Variants in PRIMA1 observed in about 807,000 individuals in gnomAD.
The protein encoded by PRIMA1 is proline rich membrane anchor 1, also known as proline-rich membrane anchor 1.
Under a neutral mutation model 17.5 loss-of-function variants are expected in PRIMA1, and 7 were observed. The observed-to-expected ratio is 0.40, with a 90% confidence interval of 0.23 to 0.75. PRIMA1 has a LOEUF of 0.75. Ranked by LOEUF, PRIMA1 falls within the 30% of genes least tolerant of loss-of-function variation. The pLI is 0.37. For synonymous variants in PRIMA1, 97 were observed against 77.9 expected, an observed-to-expected ratio of 1.25 and a Z score of -1.29; for missense variants, 200 against 201.8, an observed-to-expected ratio of 0.99 and a Z score of 0.05.
At chr14:93,730,487 G>A (rs965475355) in intron 4 of PRIMA1, among the ~76,000 whole-genome samples, 16 of 152,136 alleles carry the variant, frequency 1.1e-4, no homozygotes, top group Admixed American at 7.2e-4. Flanking sequence ...GGGAGTGCTC[G>A]ATGAGCCAGG....
intron 3 of PRIMA1, among the ~76,000 whole-genome samples, chr14:93,774,577 G>A (rs1885155371): frequency 6.6e-6 from 1 of 152,204 alleles, no homozygotes; most frequent in Non-Finnish European, 1.5e-5. Flanking sequence ...AATTCTGGCT[G>A]TCTGCTTTGG....
intron 3 of PRIMA1, among the ~76,000 whole-genome samples, chr14:93,746,817 A>G (rs1250024520): frequency 6.6e-6 from 1 of 152,096 alleles, no homozygotes; most frequent in Non-Finnish European, 1.5e-5. Flanking sequence ...GGAAATGTGG[A>G]TGTGGGCAGC....
chr14:93,727,090 C>T (rs1023843113), intron 4 of PRIMA1, among the ~76,000 whole-genome samples: 4 of 152,194 alleles, frequency 2.6e-5, no homozygotes, highest in Admixed American at 6.5e-5. Flanking sequence ...CAGCCTCCAT[C>T]GCCCAGGGGG....
chr14:93,743,707 G>A (rs867020839), intron 3 of PRIMA1, among the ~76,000 whole-genome samples: 7 of 152,234 alleles, frequency 4.6e-5, no homozygotes, highest in African/African-American at 1.7e-4. Flanking sequence ...GTGTGGGCCT[G>A]GTGACTCGGC....
chr14:93,758,193 C>T (rs1265641881), intron 3 of PRIMA1, among the ~76,000 whole-genome samples: 2 of 152,176 alleles, frequency 1.3e-5, no homozygotes, highest in Non-Finnish European at 2.9e-5. Flanking sequence ...CAACCAAAGA[C>T]AGGATGGCCA....
intron 3 of PRIMA1, among the ~76,000 whole-genome samples, chr14:93,765,034 TTACTGGC>T (rs1884846872): frequency 6.6e-6 from 1 of 152,148 alleles, no homozygotes; most frequent in Non-Finnish European, 1.5e-5. Flanking sequence ...ATAGCACCCT[TTACTGGC>T]TACTGTCCCT....
intron 4 of PRIMA1, among the ~76,000 whole-genome samples, chr14:93,729,720 G>A (rs1380420873): frequency 2.6e-5 from 4 of 152,230 alleles, no homozygotes; most frequent in African/African-American, 7.2e-5. Flanking sequence ...TGTGTCCTGC[G>A]GGGAGGAAGA....
At chr14:93,752,429 C>T (rs959629912) in intron 3 of PRIMA1, among the ~76,000 whole-genome samples, 1 of 152,124 alleles carries the variant, frequency 6.6e-6, no homozygotes, top group Non-Finnish European at 1.5e-5. Flanking sequence ...ACGCGGGGCC[C>T]CTCACTCCCT....
chr14:93,778,283 G>A (rs528211403), intron 3 of PRIMA1, among the ~76,000 whole-genome samples: 27 of 152,342 alleles, frequency 1.8e-4, no homozygotes, highest in Non-Finnish European at 3.8e-4. Context: ...GGGCCACAGG[G>A]TGTCAGGGAA....
intron 3 of PRIMA1, among the ~76,000 whole-genome samples, chr14:93,774,048 C>T (rs1341618896): frequency 6.6e-6 from 1 of 152,102 alleles, no homozygotes; most frequent in African/African-American, 2.4e-5. Context: ...GCCGAGATCA[C>T]AGCACCGCAC....
chr14:93,740,816 C>T (rs2076179952), intron 3 of PRIMA1, among the ~76,000 whole-genome samples: 2 of 152,150 alleles, frequency 1.3e-5, no homozygotes, highest in South Asian at 4.2e-4. Flanking sequence ...CAGAATTGTC[C>T]CTTGAAAAAT....
chr14:93,740,073 ATC>A (rs1462464977), intron 3 of PRIMA1, among the ~76,000 whole-genome samples: 3 of 150,114 alleles, frequency 2.0e-5, no homozygotes, highest in African/African-American at 2.5e-5. Flanking sequence ...TAAAAAAAAA[ATC>A]AATAAATAAA....
At position 93,766,850 on chromosome 14, in the gene PRIMA1, CAAG is replaced by C. The variant is rs1337139266; in HGVS notation, c.229+12323_229+12325del. Reference sequence around the variant, plus strand: ...CATGGCCAAGTCAAGTTCTGCAACTCAAGAAGAAGAAATGAAGAAGGAAAATAA... The same window carrying C: ...CATGGCCAAGTCAAGTTCTGCAACTCAAGAAGAAATGAAGAAGGAAAATAA... On this transcript the variant is annotated intron_variant, in intron 3 of 4. Transcript: ENST00000393140. Among the ~76,000 whole-genome samples, 4 of 152,274 alleles carry C rather than the reference CAAG, an allele frequency of 2.6e-5. No homozygotes were observed. In the South Asian group the frequency reaches 6.2e-4, roughly 24 times the overall value.
At chr14:93,772,853 T>C (rs1885109200) in intron 3 of PRIMA1, among the ~76,000 whole-genome samples, 1 of 152,206 alleles carries the variant, frequency 6.6e-6, no homozygotes, top group Admixed American at 6.5e-5. Context: ...GCTGGAACCC[T>C]GCAGAAGCAA....
At chr14:93,724,873 T>C (rs2076064089) in intron 4 of PRIMA1, among the ~76,000 whole-genome samples, 2 of 152,126 alleles carry the variant, frequency 1.3e-5, no homozygotes, top group Admixed American at 1.3e-4. Context: ...AATGAAGAAA[T>C]GAAGGCGGCA....
intron 4 of PRIMA1, among the ~76,000 whole-genome samples, chr14:93,732,757 CAG>C (rs927498102): frequency 6.6e-6 from 1 of 152,224 alleles, no homozygotes; most frequent in African/African-American, 2.4e-5. Flanking sequence ...ATTGTCATTT[CAG>C]AGAGGGAAAA....
chr14:93,771,120 A>G (rs1885049408), intron 3 of PRIMA1, among the ~76,000 whole-genome samples: 1 of 150,602 alleles, frequency 6.6e-6, no homozygotes. Context: ...GTGTGCATGT[A>G]TGTGTGTGCA....
intron 3 of PRIMA1, among the ~76,000 whole-genome samples, chr14:93,750,300 G>A (rs2076252324): frequency 6.6e-6 from 1 of 152,164 alleles, no homozygotes; most frequent in African/African-American, 2.4e-5. Context: ...GACTTGCACT[G>A]GGAGGCTGAG....
chr14:93,779,321 T>A lies in PRIMA1; in HGVS notation c.94-10A>T. 6.5e-7 allele frequency: 1 copy of A among 1,543,844 alleles called. No homozygotes were observed. ...GCTCACCATGCGTCACCTGTACACA[T>A]GGGCACACGTACCCAAGAGAGAGAG... On this transcript the variant is annotated splice_polypyrimidine_tract_variant and intron_variant, in intron 2 of 4. Coordinates refer to ENST00000393140, the MANE Select transcript of PRIMA1 (RefSeq NM_178013.4).
Sources: gnomAD v4.1 joint callset for allele counts (sites outside exome capture counted in the v4.1 genomes callset) on GRCh38, gnomAD v4.1.1 for gene constraint, MANE v1.5 for transcripts, NCBI Gene and HGNC (gene_info 2026-07-23, HGNC 2026-07-21) for gene names.